The following RIN2 variants were observed in gnomAD, a reference collection of about 807,000 sequenced individuals.
RIN2 encodes the protein Ras and Rab interactor 2.
In RIN2, 36 loss-of-function variants were observed where a neutral mutation model predicts 78.0. The observed-to-expected ratio is 0.46, with a 90% CI of 0.35 to 0.61. The LOEUF (loss-of-function observed/expected upper bound fraction) is 0.61. Among genes scored for constraint, RIN2 ranks in the 20% least tolerant of loss-of-function variants. RIN2 has a pLI of 0.00. For synonymous variants in RIN2, 466 were observed against 466.8 expected (o/e 1.00, Z 0.02); for missense variants, 1,087 against 1,159.7 (o/e 0.94, Z 0.91).
intron 2 of RIN2, among the ~76,000 whole-genome samples, chr20:19,824,496 A>C (rs1249687642): frequency 1.3e-5 from 2 of 152,076 alleles, no homozygotes; most frequent in Non-Finnish European, 2.9e-5. Flanking sequence ...AGTGACACTC[A>C]TGTCCTTCAA....
At chr20:19,888,441 C>T (rs180671520) in intron 2 of RIN2, among the ~76,000 whole-genome samples, 1 of 152,202 alleles carries the variant, frequency 6.6e-6, no homozygotes, top group African/African-American at 2.4e-5. Flanking sequence ...CTGTTTGTGT[C>T]GCTGGCTCTC....
At chr20:19,928,792 C>T (rs1459665976) in intron 3 of RIN2, among the ~76,000 whole-genome samples, 1 of 152,140 alleles carries the variant, frequency 6.6e-6, no homozygotes, top group African/African-American at 2.4e-5. Flanking sequence ...CTTGTGGTCA[C>T]CAGCACCCCC....
intron 4 of RIN2, among the ~76,000 whole-genome samples, chr20:19,952,143 A>C (rs181690198): frequency 0.032 from 4,887 of 152,316 alleles, 123 homozygotes; most frequent in Non-Finnish European, 0.044. Context: ...ATAGCCCCCC[A>C]GAGTTGTCTC....
intron 2 of RIN2, among the ~76,000 whole-genome samples, chr20:19,873,215 C>T (rs2037745771): frequency 1.3e-5 from 2 of 151,974 alleles, no homozygotes; most frequent in African/African-American, 4.8e-5. Flanking sequence ...GCCTTGATCT[C>T]CTGGGCTCAG....
chr20:19,803,173 C>T (rs62203173), intron 2 of RIN2, among the ~76,000 whole-genome samples: 47,356 of 152,032 alleles, frequency 0.31, 9,283 homozygotes, highest in African/African-American at 0.56. Context: ...TTTTACCTGT[C>T]TATTTTCCTC....
intron 2 of RIN2, among the ~76,000 whole-genome samples, chr20:19,859,203 T>A (rs1172071497): frequency 6.6e-6 from 1 of 152,148 alleles, no homozygotes; most frequent in Non-Finnish European, 1.5e-5. Context: ...CCATCCAACT[T>A]CCAGGGATGA....
At chr20:20,000,253 A>G (rs1355372405) in intron 12 of RIN2, among the ~76,000 whole-genome samples, 2 of 151,874 alleles carry the variant, frequency 1.3e-5, no homozygotes, top group African/African-American at 2.4e-5. Context: ...CTTCCTTCAT[A>G]CTCTTGTGCT....
intron 2 of RIN2, among the ~76,000 whole-genome samples, chr20:19,845,312 G>A (rs1051584475): frequency 6.6e-6 from 1 of 152,156 alleles, no homozygotes; most frequent in Non-Finnish European, 1.5e-5. Context: ...TTGCCACATT[G>A]TCTTCCACGA....
At chr20:19,853,033 TC>T (rs2037039537) in intron 2 of RIN2, among the ~76,000 whole-genome samples, 1 of 90,090 alleles carries the variant, frequency 1.1e-5, no homozygotes, top group Non-Finnish European at 2.2e-5. Context: ...TGCCTCCCCC[TC>T]CCCCCACCCC....
chr20:19,914,414 A>G (rs1193978761), intron 3 of RIN2, among the ~76,000 whole-genome samples: 1 of 152,218 alleles, frequency 6.6e-6, no homozygotes, highest in Non-Finnish European at 1.5e-5. Context: ...GTGTTCCTGT[A>G]TGACTTTCCC....
intron 9 of RIN2, among the ~76,000 whole-genome samples, chr20:19,978,570 C>G (rs1339320352): frequency 2.0e-5 from 3 of 152,164 alleles, no homozygotes; most frequent in African/African-American, 7.2e-5. Flanking sequence ...GAAAAACTGC[C>G]CCTGTAAATG....
At chr20:19,814,617 G>A (rs1270322311) in intron 2 of RIN2, among the ~76,000 whole-genome samples, 1 of 152,014 alleles carries the variant, frequency 6.6e-6, no homozygotes, top group Non-Finnish European at 1.5e-5. Flanking sequence ...TTTATATTTT[G>A]GAGACAGGGT....
chr20:19,834,046 C>G (rs769395509), intron 2 of RIN2, among the ~76,000 whole-genome samples: 15 of 152,160 alleles, frequency 9.9e-5, no homozygotes, highest in Non-Finnish European at 2.1e-4. Flanking sequence ...CTAAGCATCA[C>G]ATGAAATGTG....
At chr20:19,966,368 G>A (rs937674633) in intron 7 of RIN2, among the ~76,000 whole-genome samples, 1 of 150,420 alleles carries the variant, frequency 6.6e-6, no homozygotes, top group African/African-American at 2.4e-5. Context: ...TGTTGCCCAA[G>A]CTGGGGTGCA....
rs560562468 is a variant in RIN2 at position 19,967,987 on chromosome 20, G to A, written c.537-2851G>A. ...CATTCAATCAGTAAATGACAGTTAC[G>A]GGAGTTGAACTCAGGCCTGCCTTAA... On this transcript the variant is annotated intron_variant, in intron 7 of 12. Coordinates refer to ENST00000255006, the MANE Select transcript of RIN2 (RefSeq NM_018993.4). 1.3e-4 allele frequency among the ~76,000 whole-genome samples: 20 copies of A among 152,212 alleles called. No homozygotes were observed. In the South Asian group the frequency reaches 2.9e-3, roughly 22 times the overall value.
At chr20:19,833,267 G>C (rs555938548) in intron 2 of RIN2, among the ~76,000 whole-genome samples, 1 of 150,226 alleles carries the variant, frequency 6.7e-6, no homozygotes, top group African/African-American at 2.5e-5. Flanking sequence ...TCTATATATA[G>C]ATAGATAGAT....
At chr20:19,997,332 A>G (rs1446747720) in intron 12 of RIN2, among the ~76,000 whole-genome samples, 1 of 152,250 alleles carries the variant, frequency 6.6e-6, no homozygotes, top group Non-Finnish European at 1.5e-5. Context: ...CAGAGTGACC[A>G]GGCGAGCATC....
Position 19,923,488 on chromosome 20 carries a change from T to TAAATAAAATAAAATAAA in RIN2, c.58-11606_58-11605insAAATAAAATAAAAAATA, listed in dbSNP as rs1555791824. 3.2e-3 allele frequency among the ~76,000 whole-genome samples: 460 copies of TAAATAAAATAAAATAAA among 141,572 alleles called. 6 individuals carry two copies. The highest frequency in any genetic ancestry group is 0.012 in the African/African-American group (440 of 36,758). 92.9% of individuals were successfully genotyped at this position (141,572 alleles called of 152,430 possible). On this transcript the variant is annotated intron_variant, in intron 3 of 12. Coordinates refer to ENST00000255006, the MANE Select transcript of RIN2 (RefSeq NM_018993.4). ...ATAAAATAAATAAAATAAAATAAAATAAATATTGGCTGAGAGGTGTGGTTC... is the reference window on the plus strand; with the variant it reads ...ATAAAATAAATAAAATAAAATAAAATAAATAAAATAAAATAAAAAATATTGGCTGAGAGGTGTGGTTC...
chr20:19,979,396 T>C (rs902147084), intron 9 of RIN2, among the ~76,000 whole-genome samples: 1 of 152,224 alleles, frequency 6.6e-6, no homozygotes, highest in Admixed American at 6.5e-5. Flanking sequence ...CAAAGAGCAA[T>C]TTAACAATTT....
Sources: allele counts gnomAD v4.1 joint callset (sites outside exome capture counted in the v4.1 genomes callset), GRCh38; gene constraint gnomAD v4.1.1; transcripts MANE v1.5; gene names NCBI Gene and HGNC (gene_info 2026-07-23, HGNC 2026-07-21).